WNK1: variants seen among roughly 807,000 people sequenced by gnomAD.
WNK1 encodes serine/threonine-protein kinase WNK1.
In WNK1, 38 loss-of-function variants were observed where a neutral mutation model predicts 222.8. That is an observed-to-expected ratio of 0.17 (90% CI 0.13 to 0.22). The LOEUF (loss-of-function observed/expected upper bound fraction) is 0.22, where lower values mean the gene tolerates loss of function less well. WNK1 is among the 10% of genes least tolerant of loss of function. The pLI is 1.00. For synonymous variants in WNK1, 1,090 were observed against 1,092.9 expected (o/e 1.00, Z 0.05); for missense variants, 2,348 against 2,918.4 (o/e 0.80, Z 4.50).
At chr12:862,295 A>G (rs1314329823) in intron 8 of WNK1, 25 bp downstream of exon 8, 10 of 1,611,396 alleles carry the variant, frequency 6.2e-6, no homozygotes, top group Non-Finnish European at 8.5e-6. Context: ...AAGAGCATGT[A>G]ATACTACAAT....
At chr12:759,750 G>A (rs538011113) in intron 1 of WNK1, among the ~76,000 whole-genome samples, 1 of 147,864 alleles carries the variant, frequency 6.8e-6, no homozygotes, top group Admixed American at 6.7e-5. Flanking sequence ...AGATTGCCTG[G>A]GCTCAAATCA....
chr12:908,692 A>G lies in WNK1; in HGVS notation c.7049A>G (p.Gln2350Arg). Residue 2350 changes from glutamine to arginine, a missense_variant, in exon 28 of 28, where the codon CAG becomes CGG. Gln to Arg is a conservative substitution (Grantham distance 43). Around this residue, in one of 13 missense-constraint regions of WNK1, gnomAD observed 76 missense variants for 85.7 expected, o/e 0.89. Coordinates refer to ENST00000315939, the MANE Select transcript of WNK1 (RefSeq NM_018979.4). ...TGGPAPQPLG[Q>R]FQPVGTASLQ... ...GGCCCAGCACCACAGCCACTTGGCC[A>G]GTTCCAACCTGTGGGAACTGCCTCC... 6.2e-7 allele frequency: 1 copy of G among 1,614,198 alleles called. No homozygotes were observed.
At chr12:868,215 A>G in intron 8 of WNK1, 1 of 1,612,056 alleles carries the variant, frequency 6.2e-7, no homozygotes, top group Non-Finnish European at 8.5e-7. Flanking sequence ...GTTTACAGTG[A>G]CTATAGACCT....
intron 1 of WNK1, among the ~76,000 whole-genome samples, chr12:768,992 T>G (rs1942123950): frequency 6.6e-6 from 1 of 151,804 alleles, no homozygotes; most frequent in Non-Finnish European, 1.5e-5. Flanking sequence ...TGTATTTTAG[T>G]AGAGATGGGG....
chr12:801,265 C>T (rs901259787), intron 1 of WNK1, among the ~76,000 whole-genome samples: 2 of 152,186 alleles, frequency 1.3e-5, no homozygotes, highest in Non-Finnish European at 2.9e-5. Flanking sequence ...GTTGAGTCAC[C>T]TTTCAATATG....
rs535718006 is a variant in WNK1, at chr12:794,558, A to G, written c.760-19084A>G. Among the ~76,000 whole-genome samples, 17 of 147,430 alleles carry G rather than the reference A, an allele frequency of 1.2e-4. No individual in the cohort carries two copies. The East Asian group carries it at 2.0e-3, about 17-fold the overall frequency. On this transcript the variant is annotated intron_variant, in intron 1 of 27. Coordinates refer to ENST00000315939, the MANE Select transcript of WNK1 (RefSeq NM_018979.4). The stretch of plus-strand genomic sequence containing the variant: ...GGACTTCGGTGCTTTTTCTGTGTCT[A>G]TGGAGATAATCGTATGGGCTTTGTA...
intron 1 of WNK1, among the ~76,000 whole-genome samples, chr12:782,544 GAT>G (rs1444384969): frequency 6.6e-6 from 1 of 152,154 alleles, no homozygotes; most frequent in Non-Finnish European, 1.5e-5. Context: ...AGGAGAAAGT[GAT>G]AGAAATAAAA....
intron 1 of WNK1, among the ~76,000 whole-genome samples, chr12:785,644 G>A (rs758088385): frequency 4.0e-4 from 61 of 152,090 alleles, no homozygotes; most frequent in Non-Finnish European, 7.1e-4. Context: ...TGATCCACCC[G>A]CCTCAGCCTC....
rs550571547 is a variant in WNK1 at position 887,202 on chromosome 12, T to C, written c.5281-19T>C. ...TATTTAGCGTCTCACGGACTTGATT[T>C]TCCCTTTGTTGTCTGTAGGTGCTGC... On this transcript the variant is annotated intron_variant, in intron 19 of 27. Coordinates refer to ENST00000315939, the MANE Select transcript of WNK1 (RefSeq NM_018979.4). The C allele has an allele frequency of 8.1e-6, 13 of 1,613,744 alleles. 1 individual carries two copies. The highest frequency in any genetic ancestry group is 1.6e-4 in the Middle Eastern group (1 of 6,084).
intron 23 of WNK1, 67 bp from the exon 24 acceptor site, chr12:896,004 T>C (rs1468289377): frequency 1.2e-6 from 2 of 1,602,890 alleles, no homozygotes; most frequent in African/African-American, 2.7e-5. Context: ...TTTCCTTTTT[T>C]AAATTGTCTG....
intron 1 of WNK1, among the ~76,000 whole-genome samples, chr12:766,714 T>A (rs1404494514): frequency 6.6e-6 from 1 of 151,956 alleles, no homozygotes; most frequent in Non-Finnish European, 1.5e-5. Context: ...CCTGACCTCA[T>A]GATCCGCCTG....
intron 6 of WNK1, 130 bp downstream of exon 6, chr12:859,594 A>G: frequency 1.6e-6 from 1 of 629,496 alleles, no homozygotes. Context: ...GATGGCCCTA[A>G]AAGTTATCTT....
chr12:877,346 T>C (rs1178770341), intron 9 of WNK1, among the ~76,000 whole-genome samples: 1 of 152,072 alleles, frequency 6.6e-6, no homozygotes, highest in African/African-American at 2.4e-5. Context: ...ATTACAGGCG[T>C]GAGCCACCGC....
At chr12:768,857 T>C (rs1381959695) in intron 1 of WNK1, among the ~76,000 whole-genome samples, 1 of 152,066 alleles carries the variant, frequency 6.6e-6, no homozygotes, top group South Asian at 2.1e-4. Context: ...GTCACCAAAC[T>C]GGAGTGCAGT....
chr12:884,908 A>T lies in WNK1; in HGVS notation c.4104A>T (p.Thr1368=). ...GCAGCCCTCCTAATGACATTTCCAC[A>T]TCAGTAATTCAGTCTGAGGTTACAG... ...ATSSPPNDIS[T]SVIQSEVTVP... is the part of the protein sequence containing the mutation. Residue 1368 remains threonine, a synonymous_variant, in exon 19 of 28, where the codon ACA becomes ACT. Coordinates refer to ENST00000315939, the MANE Select transcript of WNK1 (RefSeq NM_018979.4). This position sits in a 1 kb window ranked among gnomAD's most constrained non-coding sequence, Gnocchi z 5.6. The T allele has an allele frequency of 6.2e-7, 1 of 1,614,154 alleles. No individual in the cohort carries two copies. Among genetic ancestry groups the T allele is most frequent in the Non-Finnish European group, 8.5e-7 (1 of 1,180,006 alleles).
chr12:792,988 T>C (rs1294225902), intron 1 of WNK1, among the ~76,000 whole-genome samples: 1 of 152,178 alleles, frequency 6.6e-6, no homozygotes, highest in African/African-American at 2.4e-5. Context: ...TTTAGTGTTA[T>C]TACAAGGTTT....
chr12:867,930 C>A (rs753746733), intron 8 of WNK1: 3 of 1,614,024 alleles, frequency 1.9e-6, no homozygotes, highest in South Asian at 2.2e-5. Flanking sequence ...ATATTTTTCC[C>A]AACTATTCAT....
chr12:785,998 A>G (rs1193268253), intron 1 of WNK1, among the ~76,000 whole-genome samples: 1 of 152,176 alleles, frequency 6.6e-6, no homozygotes, highest in Non-Finnish European at 1.5e-5. Flanking sequence ...CCCTAGTTTT[A>G]TATGCCAAAG....
rs1186230082 is a variant in WNK1, at chr12:861,217, G to T, written c.1825G>T (p.Ala609Ser). The change falls in exon 7 of 28, where the codon GCT becomes TCT. Residue 609 changes from alanine (A) to serine (S), a missense_variant. Ala to Ser is a moderately conservative substitution (Grantham distance 99, BLOSUM62 1). Around this residue, in one of 13 missense-constraint regions of WNK1, gnomAD observed 103 missense variants for 111.5 expected, o/e 0.92. Coordinates refer to ENST00000315939, the MANE Select transcript of WNK1 (RefSeq NM_018979.4). ...GACAGGAATCAAGCAGCTCCCTTCT[G>T]CTAGCACCGGCATACCTACTGCTTC... ...SQTGIKQLPSASTGIPTASTT... is the reference protein window; with the variant it reads ...SQTGIKQLPSSSTGIPTASTT... 6.2e-7 allele frequency: 1 copy of T among 1,613,830 alleles called. No homozygotes were observed. Among genetic ancestry groups the T allele is most frequent in the Non-Finnish European group, 8.5e-7 (1 of 1,179,978 alleles).
Sources: allele counts gnomAD v4.1 joint callset (sites outside exome capture counted in the v4.1 genomes callset), GRCh38; gene constraint gnomAD v4.1.1; regional missense constraint gnomAD v4.1.1; non-coding constraint Gnocchi (gnomAD v3.1); transcripts MANE v1.5; gene names NCBI Gene and HGNC (gene_info 2026-07-23, HGNC 2026-07-21).